Variants in DACH2 observed in about 807,000 individuals in gnomAD.
DACH2 encodes the protein dachshund family transcription factor 2, also known as dachshund homolog 2.
DACH2 carries 17 observed loss-of-function variants against 35.8 expected under a neutral mutation model. That is an observed-to-expected ratio of 0.48 (90% CI 0.33 to 0.71). The LOEUF (loss-of-function observed/expected upper bound fraction) is 0.71. DACH2 is among the 30% of genes least tolerant of loss of function. DACH2 has a pLI of 0.02. For missense variants in DACH2, 469 were observed against 472.7 expected (o/e 0.99, Z 0.07); for synonymous variants, 195 against 177.3 (o/e 1.10, Z -0.79).
At chrX:86,541,480 C>A (rs764595801) in intron 3 of DACH2, among the ~76,000 whole-genome samples, 2 of 110,622 alleles carry the variant, frequency 1.8e-5, no homozygotes, top group Non-Finnish European at 3.8e-5. Flanking sequence ...TTATAGAGGG[C>A]AGACTCAAAA....
intron 2 of DACH2, among the ~76,000 whole-genome samples, chrX:86,399,235 T>C (rs1417041318): frequency 1.8e-5 from 2 of 111,616 alleles, no homozygotes; most frequent in East Asian, 5.6e-4. Flanking sequence ...ATTTGCTTGG[T>C]AGATCTTCCT....
intron 4 of DACH2, among the ~76,000 whole-genome samples, chrX:86,665,805 G>T (rs1392835599): frequency 1.8e-5 from 2 of 110,185 alleles, no homozygotes; most frequent in African/African-American, 3.3e-5. Flanking sequence ...CTTTTGATGG[G>T]ATTTCCACTG....
At chrX:86,572,188 C>T (rs2039380087) in intron 3 of DACH2, among the ~76,000 whole-genome samples, 1 of 110,761 alleles carries the variant, frequency 9.0e-6, no homozygotes, top group Non-Finnish European at 1.9e-5. Flanking sequence ...CACATGTATA[C>T]ATATGTAACA....
intron 2 of DACH2, among the ~76,000 whole-genome samples, chrX:86,402,439 A>G (rs970004311): frequency 2.7e-5 from 3 of 111,671 alleles, no homozygotes; most frequent in Non-Finnish European, 5.6e-5. Context: ...AGTAGTCACA[A>G]AGAAAATGAA....
intron 2 of DACH2, among the ~76,000 whole-genome samples, chrX:86,425,288 G>A (rs1448912409): frequency 9.0e-6 from 1 of 110,533 alleles, no homozygotes; most frequent in Admixed American, 9.6e-5. Context: ...GTAGAATTCA[G>A]CAGTGAAGCC....
intron 11 of DACH2, chrX:86,831,847 C>A: frequency 3.5e-6 from 1 of 286,820 alleles, no homozygotes; most frequent in Non-Finnish European, 6.0e-6. Context: ...TAATATAGTT[C>A]ATGAAGAGCC....
At chrX:86,615,790 G>A (rs1044509887) in intron 3 of DACH2, among the ~76,000 whole-genome samples, 2 of 110,667 alleles carry the variant, frequency 1.8e-5, no homozygotes, top group African/African-American at 6.6e-5. Flanking sequence ...TTTTATTTCA[G>A]GTTCAGGGGT....
intron 1 of DACH2, among the ~76,000 whole-genome samples, chrX:86,339,422 T>C (rs751667330): frequency 8.9e-6 from 1 of 112,244 alleles, no homozygotes; most frequent in Admixed American, 9.5e-5. Flanking sequence ...AATCTTATGA[T>C]ATTTGATTTA....
At chrX:86,767,212 G>A (rs1180383566) in intron 7 of DACH2, among the ~76,000 whole-genome samples, 1 of 111,766 alleles carries the variant, frequency 8.9e-6, no homozygotes, top group Admixed American at 9.5e-5. Flanking sequence ...TTGAACTTTT[G>A]TGCTTTATCT....
At chrX:86,525,771 A>T (rs1055704778) in intron 3 of DACH2, among the ~76,000 whole-genome samples, 1 of 110,998 alleles carries the variant, frequency 9.0e-6, no homozygotes, top group Non-Finnish European at 1.9e-5. Context: ...CCTGCTTTCC[A>T]TCTGGTCCAT....
chrX:86,503,871 T>G (rs1862086167), intron 2 of DACH2, among the ~76,000 whole-genome samples: 1 of 111,517 alleles, frequency 9.0e-6, no homozygotes, highest in Non-Finnish European at 1.9e-5. Flanking sequence ...TTGGTAGGTT[T>G]ATTTACTTAA....
chrX:86,459,651 G>A (rs899137237), intron 2 of DACH2, among the ~76,000 whole-genome samples: 1 of 111,142 alleles, frequency 9.0e-6, no homozygotes, highest in Non-Finnish European at 1.9e-5. Flanking sequence ...TTTTACTTAA[G>A]GGATGAGAGG....
chrX:86,311,750 C>G (rs1338273687), intron 1 of DACH2, among the ~76,000 whole-genome samples: 1 of 111,296 alleles, frequency 9.0e-6, no homozygotes, highest in African/African-American at 3.3e-5. Context: ...GGCACCTGGA[C>G]ACTTTGGGCT....
chrX:86,293,762 T>C (rs1003239974), intron 1 of DACH2, among the ~76,000 whole-genome samples: 1 of 111,743 alleles, frequency 8.9e-6, no homozygotes, highest in South Asian at 3.8e-4. Context: ...CCCACTCTCT[T>C]CTGGCTTGTA....
intron 1 of DACH2, among the ~76,000 whole-genome samples, chrX:86,199,934 A>G (rs750902282): frequency 1.8e-5 from 2 of 112,284 alleles, no homozygotes; most frequent in Non-Finnish European, 3.8e-5. Context: ...TCACAAAACT[A>G]GAAAAAAACT....
At chrX:86,676,590 TTTTA>T (rs1293615802) in intron 4 of DACH2, among the ~76,000 whole-genome samples, 1 of 111,821 alleles carries the variant, frequency 8.9e-6, no homozygotes, top group African/African-American at 3.3e-5. Flanking sequence ...GAATTTTTCA[TTTTA>T]TTTATTTATT....
chrX:86,724,050 GT>G (rs2041438087), intron 6 of DACH2, among the ~76,000 whole-genome samples: 1 of 111,219 alleles, frequency 9.0e-6, no homozygotes, highest in South Asian at 3.7e-4. Flanking sequence ...GTTGGATCAT[GT>G]TTTTTAATGT....
intron 1 of DACH2, among the ~76,000 whole-genome samples, chrX:86,271,694 C>A (rs1348783496): frequency 9.0e-6 from 1 of 111,277 alleles, no homozygotes; most frequent in Non-Finnish European, 1.9e-5. Flanking sequence ...CATTCTACTC[C>A]CAGAACCAAG....
chrX:86,262,362 A>G (rs1220008103), intron 1 of DACH2, among the ~76,000 whole-genome samples: 1 of 112,027 alleles, frequency 8.9e-6, no homozygotes, highest in East Asian at 2.8e-4. Flanking sequence ...TGAAACTTAC[A>G]TATTCTTCTC....
Sources: gnomAD v4.1 joint callset for allele counts (sites outside exome capture counted in the v4.1 genomes callset) on GRCh38, gnomAD v4.1.1 for gene constraint, MANE v1.5 for transcripts, NCBI Gene and HGNC (gene_info 2026-07-23, HGNC 2026-07-21) for gene names.